The following BCAS3 variants were observed in gnomAD, a reference collection of about 807,000 sequenced individuals.
BCAS3 encodes BCAS4/BCAS3 fusion.
In BCAS3, 53 loss-of-function variants were observed where a neutral mutation model predicts 116.1. That is an observed-to-expected ratio of 0.46 (90% CI 0.37 to 0.57). The LOEUF is 0.57. BCAS3 is among the 20% of genes least tolerant of loss of function. The pLI, the probability that BCAS3 is intolerant of heterozygous loss-of-function variation, is 0.00. For missense variants in BCAS3, 917 were observed against 1,165.4 expected (o/e 0.79, Z 3.10); for synonymous variants, 391 against 408.2 (o/e 0.96, Z 0.51).
intron 5 of BCAS3, among the ~76,000 whole-genome samples, chr17:60,710,492 C>G (rs60883189): frequency 3.0e-4 from 45 of 147,602 alleles, no homozygotes; most frequent in African/African-American, 9.8e-4. Flanking sequence ...AGTGCAGTGG[C>G]GCAATCTCGG....
In BCAS3 at chr17:60,728,433, A is replaced by G. The variant is rs142305989; in HGVS notation, c.322-18765A>G. On this transcript the variant is annotated intron_variant, in intron 5 of 23. Coordinates refer to ENST00000407086, the MANE Select transcript of BCAS3 (RefSeq NM_017679.5). Reference sequence around the variant, plus strand: ...CAGATGCTGAATAATATTTCATTGTATGGAATACCACAATTTGTTTATGAC... The same window carrying G: ...CAGATGCTGAATAATATTTCATTGTGTGGAATACCACAATTTGTTTATGAC... 2.0e-5 allele frequency among the ~76,000 whole-genome samples: 3 copies of G among 152,152 alleles called. No individual in the cohort carries two copies. The East Asian group carries it at 5.8e-4, about 29-fold the overall frequency.
chr17:60,752,660 TG>T (rs1203069380), intron 6 of BCAS3, among the ~76,000 whole-genome samples: 2 of 152,094 alleles, frequency 1.3e-5, no homozygotes, highest in African/African-American at 4.8e-5. Flanking sequence ...CCTGACTGCG[TG>T]ATCCGCCTGC....
At chr17:61,154,127 C>T (rs1239995928) in intron 22 of BCAS3, among the ~76,000 whole-genome samples, 1 of 152,166 alleles carries the variant, frequency 6.6e-6, no homozygotes, top group Non-Finnish European at 1.5e-5. Context: ...ATTTGTCGCA[C>T]TGCCTTCCTT....
Position 60,803,278 on chromosome 17 carries a change from A to G in BCAS3, c.404-4726A>G, listed in dbSNP as rs547120191. Among the ~76,000 whole-genome samples the G allele has an allele frequency of 4.6e-5, 7 of 152,318 alleles. No individual in the cohort carries two copies. In the South Asian group the frequency reaches 1.4e-3, roughly 32 times the overall value. The stretch of plus-strand genomic sequence containing the variant: ...GGGAAGATGAGTTGCCTAACAGGGT[A>G]AAGGTCTTAGCATCGATGTGTTTTT... On this transcript the variant is annotated intron_variant, in intron 6 of 23. Coordinates refer to ENST00000407086, the MANE Select transcript of BCAS3 (RefSeq NM_017679.5).
chr17:60,990,035 C>G lies in BCAS3; in HGVS notation c.1286C>G (p.Ser429Cys), dbSNP rs769101666. 2 of 1,614,152 alleles carry G rather than the reference C, an allele frequency of 1.2e-6. No homozygotes were observed. The highest frequency in any genetic ancestry group is 2.7e-5 in the African/African-American group (2 of 75,028). The part of the protein sequence containing the change: ...WVVVSTLRGT[S>C]HVFPINPYGG... ...GTGGTCAGTACTCTCCGGGGTACTTCCCACGTTTTCCCCATCAACCCTTAT... is the reference window on the plus strand; with the variant it reads ...GTGGTCAGTACTCTCCGGGGTACTTGCCACGTTTTCCCCATCAACCCTTAT... Residue 429 changes from serine (S) to cysteine (C), a missense_variant, in exon 15 of 24, where the codon TCC (serine) becomes TGC (cysteine). Coordinates refer to ENST00000407086, the MANE Select transcript of BCAS3 (RefSeq NM_017679.5). This position sits in a 1 kb window ranked among gnomAD's most constrained non-coding sequence, Gnocchi z 5.1.
At chr17:60,835,628 C>T (rs1245155663) in intron 7 of BCAS3, among the ~76,000 whole-genome samples, 1 of 151,968 alleles carries the variant, frequency 6.6e-6, no homozygotes, top group Non-Finnish European at 1.5e-5. Context: ...TAAAGAAAAG[C>T]TTTTCTTATC....
At chr17:61,338,132 A>G (rs966161174) in intron 22 of BCAS3, among the ~76,000 whole-genome samples, 2 of 152,316 alleles carry the variant, frequency 1.3e-5, no homozygotes, top group South Asian at 2.1e-4. Flanking sequence ...AATCCACTCA[A>G]GTGGTTCTGA....
rs1174767304 is a variant in BCAS3 at position 61,199,028 on chromosome 17, C to T, written c.2425+114464C>T. Among the ~76,000 whole-genome samples, 1 of 152,000 alleles carries T rather than the reference C, an allele frequency of 6.6e-6. No individual in the cohort carries two copies. Among genetic ancestry groups the T allele is most frequent in the Non-Finnish European group, 1.5e-5 (1 of 68,018 alleles). On this transcript the variant is annotated intron_variant, in intron 22 of 23. Transcript: ENST00000407086. This position sits in a 1 kb window ranked among gnomAD's most constrained non-coding sequence, Gnocchi z 4.6. ...ATTACTAGAAATATATAAATGAAAC[C>T]AACATTTCTCTATCCTGGAAAAAAA...
chr17:60,963,976 G>T (rs1259271775), intron 14 of BCAS3, among the ~76,000 whole-genome samples: 1 of 152,156 alleles, frequency 6.6e-6, no homozygotes, highest in Non-Finnish European at 1.5e-5. Flanking sequence ...CATGTTGTCT[G>T]CAAACAAGGC....
At chr17:60,986,210 A>G (rs1213307038) in intron 14 of BCAS3, among the ~76,000 whole-genome samples, 4 of 152,222 alleles carry the variant, frequency 2.6e-5, no homozygotes, top group African/African-American at 9.6e-5. Flanking sequence ...CATTGCGTAT[A>G]TATACCATAT....
At chr17:61,317,940 G>A (rs2054879832) in intron 22 of BCAS3, among the ~76,000 whole-genome samples, 1 of 150,240 alleles carries the variant, frequency 6.7e-6, no homozygotes, top group African/African-American at 2.5e-5. Flanking sequence ...TGTGGGTGGG[G>A]GTCCAGGCAG....
chr17:61,329,067 T>C (rs2055988796), intron 22 of BCAS3, among the ~76,000 whole-genome samples: 1 of 151,298 alleles, frequency 6.6e-6, no homozygotes, highest in Non-Finnish European at 1.5e-5. Flanking sequence ...GCTAGTTTTT[T>C]GTATTTTTAG....
intron 6 of BCAS3, among the ~76,000 whole-genome samples, chr17:60,787,653 G>A (rs2046394669): frequency 6.6e-6 from 1 of 152,092 alleles, no homozygotes; most frequent in South Asian, 2.1e-4. Flanking sequence ...AGATAGAGTA[G>A]GAGGGAGGAT....
chr17:60,793,784 C>A (rs1050140684), intron 6 of BCAS3, among the ~76,000 whole-genome samples: 1 of 152,128 alleles, frequency 6.6e-6, no homozygotes, highest in African/African-American at 2.4e-5. Context: ...TATATACACA[C>A]CAGAGTTTCT....
Position 61,391,631 on chromosome 17 carries a change from T to C in BCAS3, c.2594-346T>C, listed in dbSNP as rs1408670349. 4.8e-6 allele frequency: 1 copy of C among 207,920 alleles called. No individual in the cohort carries two copies. Among genetic ancestry groups the C allele is most frequent in the East Asian group, 1.3e-4 (1 of 7,770 alleles). The allele number at this position is 207,920 out of a possible 1,614,324, so 12.9% of individuals were successfully genotyped here. On this transcript the variant is annotated intron_variant, in intron 23 of 23. Coordinates refer to ENST00000407086, the MANE Select transcript of BCAS3 (RefSeq NM_017679.5). This position sits in a 1 kb window ranked among gnomAD's most constrained non-coding sequence, Gnocchi z 7.7. The stretch of plus-strand genomic sequence containing the variant: ...AGGCACTGTGGAGTTGGGGGCATGC[T>C]GGCTGAGCATGAGTGTGTGCAGGCG...
At chr17:61,071,656 A>G (rs2071440108) in intron 19 of BCAS3, among the ~76,000 whole-genome samples, 2 of 152,228 alleles carry the variant, frequency 1.3e-5, no homozygotes, top group Non-Finnish European at 2.9e-5. Context: ...ACATATTGTA[A>G]TTCCTAAAAC....
intron 7 of BCAS3, among the ~76,000 whole-genome samples, chr17:60,848,948 G>A (rs931793094): frequency 1.3e-5 from 2 of 152,126 alleles, no homozygotes; most frequent in African/African-American, 4.8e-5. Context: ...TTCACTTCCC[G>A]CTTGAGATGA....
chr17:61,290,089 T>C (rs907976231), intron 22 of BCAS3, among the ~76,000 whole-genome samples: 3 of 152,178 alleles, frequency 2.0e-5, no homozygotes, highest in African/African-American at 7.2e-5. Flanking sequence ...AGTGTGGTGG[T>C]GGAAAGAGTT....
intron 4 of BCAS3, among the ~76,000 whole-genome samples, chr17:60,701,898 C>T (rs2036460743): frequency 6.7e-6 from 1 of 148,902 alleles, no homozygotes; most frequent in Admixed American, 6.6e-5. Flanking sequence ...CGCTAGAGCC[C>T]AGGAGGTGGA....
Sources: gnomAD v4.1 joint callset for allele counts (sites outside exome capture counted in the v4.1 genomes callset) on GRCh38, gnomAD v4.1.1 for gene constraint, Gnocchi (gnomAD v3.1) non-coding constraint, MANE v1.5 for transcripts, NCBI Gene and HGNC (gene_info 2026-07-23, HGNC 2026-07-21) for gene names.